SLC11A2: variants seen among roughly 807,000 people sequenced by gnomAD.
The protein encoded by SLC11A2 is solute carrier family 11 member 2.
Under a neutral mutation model 68.0 loss-of-function variants are expected in SLC11A2, and 38 were observed. The observed-to-expected ratio is 0.56, with a 90% CI of 0.43 to 0.73. The LOEUF (loss-of-function observed/expected upper bound fraction) is 0.73. Among genes scored for constraint, SLC11A2 ranks in the 30% least tolerant of loss-of-function variants. SLC11A2 has a pLI of 0.00. For missense variants in SLC11A2, 517 were observed against 690.5 expected, an observed-to-expected ratio of 0.75 and a Z score of 2.82; for synonymous variants, 242 against 250.6, an observed-to-expected ratio of 0.97 and a Z score of 0.32.
chr12:50,979,855 C>A (rs1476318683), downstream of SLC11A2: 1 of 453,990 alleles, frequency 2.2e-6, no homozygotes, highest in South Asian at 1.6e-5. Flanking sequence ...ATATTTAATG[C>A]TGAAAGGGGA....
intron 1 of SLC11A2, among the ~76,000 whole-genome samples, chr12:51,023,525 C>G (rs537287175): frequency 6.6e-6 from 1 of 152,284 alleles, no homozygotes; most frequent in Non-Finnish European, 1.5e-5. Flanking sequence ...ATATTCCGCT[C>G]ATTCAAATGC....
At chr12:51,020,319 G>A (rs1370735517) in intron 1 of SLC11A2, among the ~76,000 whole-genome samples, 1 of 151,528 alleles carries the variant, frequency 6.6e-6, no homozygotes, top group African/African-American at 2.4e-5. Flanking sequence ...TTACACTGGA[G>A]TAAGTTTATC....
At chr12:51,000,441 G>A (rs761555003) in intron 5 of SLC11A2, 22 bp from the exon 6 acceptor site, 2 of 1,546,256 alleles carry the variant, frequency 1.3e-6, no homozygotes, top group South Asian at 2.2e-5. Context: ...ACAGTAGAAA[G>A]ACACGGTTCT....
downstream of SLC11A2, among the ~76,000 whole-genome samples, chr12:50,982,764 C>T (rs530177649): frequency 6.6e-6 from 1 of 151,742 alleles, no homozygotes; most frequent in Non-Finnish European, 1.5e-5. Context: ...ACCAACATGG[C>T]GAAACCCCTC....
the SLC11A2 span, among the ~76,000 whole-genome samples, chr12:50,957,918 A>G: frequency 7.1e-6 from 1 of 140,952 alleles, no homozygotes; most frequent in Non-Finnish European, 1.5e-5. Context: ...TGGAGAGACT[A>G]CTGTATTCAT....
chr12:50,993,010 T>C, intron 11 of SLC11A2, 81 bp from the exon 12 acceptor site: 1 of 1,554,954 alleles, frequency 6.4e-7, no homozygotes, highest in Non-Finnish European at 8.8e-7. Context: ...CCCTGTGGCA[T>C]TTCTCCCTTC....
chr12:51,010,339 G>A (rs2516742), intron 2 of SLC11A2, among the ~76,000 whole-genome samples: 112,819 of 152,012 alleles, frequency 0.74, 42,201 homozygotes, highest in East Asian at 0.87. Context: ...CCAACATGGC[G>A]AAACCCTGTC....
In SLC11A2 at chr12:51,004,887, C is replaced by A. The variant is rs763257645; in HGVS notation, c.330G>T (p.Leu110Phe). The change falls in exon 5 of 16, where the codon TTG (leucine) becomes TTT (phenylalanine). Residue 110 changes from leucine to phenylalanine, a missense_variant. Leu to Phe is a conservative substitution (Grantham distance 22). Transcript: ENST00000262052. The stretch of plus-strand genomic sequence containing the variant: ...GGAGCAGCAGCCCCACAAGGGTGGC[C>A]AACAGAAGGATCCAGAGCAACTAAG... Reference protein sequence around the residue: ...AGFKLLWILLLATLVGLLLQR... With the variant: ...AGFKLLWILLFATLVGLLLQR... 1.2e-6 allele frequency: 2 copies of A among 1,614,092 alleles called. No homozygotes were observed. Among genetic ancestry groups the A allele is most frequent in the Non-Finnish European group, 1.7e-6 (2 of 1,179,998 alleles).
chr12:51,023,239 G>C (rs1196859973), intron 1 of SLC11A2, among the ~76,000 whole-genome samples: 1 of 152,180 alleles, frequency 6.6e-6, no homozygotes, highest in Non-Finnish European at 1.5e-5. Flanking sequence ...TTGAACCTAG[G>C]AGTTCAAGAC....
At position 51,004,838 on chromosome 12, in the gene SLC11A2, C is replaced by T. The variant is rs747663559; in HGVS notation, c.379G>A (p.Val127Met). Residue 127 changes from valine (V) to methionine (M), a missense_variant, in exon 5 of 16, where the codon GTG becomes ATG. Coordinates refer to ENST00000262052, the MANE Select transcript of SLC11A2 (RefSeq NM_000617.3). ...LLQRLAARLG[V>M]VTGLHLAEVC... ...TCAGCAAGATGCAGCCCAGTAACCA[C>T]TCCCAGTCTAGCTGCAAGCCGCTGG... The T allele has an allele frequency of 6.2e-7, 1 of 1,614,122 alleles. No homozygotes were observed. Among genetic ancestry groups the T allele is most frequent in the Non-Finnish European group, 8.5e-7 (1 of 1,179,972 alleles).
downstream of SLC11A2, among the ~76,000 whole-genome samples, chr12:50,984,979 A>T (rs572618245): frequency 8.5e-5 from 13 of 152,330 alleles, 1 homozygote; most frequent in Admixed American, 2.0e-4. Context: ...TCAAATGCCA[A>T]CTGCACATTT....
rs1351202995 is a variant in SLC11A2, at chr12:51,004,771, G to A, written c.429+17C>T. On this transcript the variant is annotated intron_variant, in intron 5 of 15. Coordinates refer to ENST00000262052, the MANE Select transcript of SLC11A2 (RefSeq NM_000617.3). The stretch of plus-strand genomic sequence containing the variant: ...TATGGCATGGGTGAGAGACAAACAG[G>A]ACAATACATTGCTCACCTTGGGATA... 2.5e-6 allele frequency: 4 copies of A among 1,613,198 alleles called. No homozygotes were observed. The highest frequency in any genetic ancestry group is 2.7e-5 in the African/African-American group (2 of 74,886).
At chr12:50,961,175 TAGAAG>T in the SLC11A2 span, 2 of 1,450,184 alleles carry the variant, frequency 1.4e-6, no homozygotes, top group Non-Finnish European at 1.9e-6. Flanking sequence ...TCATTCATAG[TAGAAG>T]ATGAATGTTG....
the SLC11A2 span, among the ~76,000 whole-genome samples, chr12:50,966,497 A>G: frequency 6.6e-6 from 1 of 152,202 alleles, no homozygotes; most frequent in East Asian, 1.9e-4. Flanking sequence ...AGATGCCAGT[A>G]GAACTCCTTC....
At chr12:51,028,368 G>A, upstream of SLC11A2, 2 of 566,698 alleles carry the variant, frequency 3.5e-6, no homozygotes, top group Non-Finnish European at 6.3e-6. Flanking sequence ...AATTTCAAGA[G>A]GCAAACCACG....
chr12:50,993,215 G>A (rs920682340), intron 11 of SLC11A2: 34 of 360,880 alleles, frequency 9.4e-5, no homozygotes, highest in Non-Finnish European at 1.6e-4. Flanking sequence ...AAAAAAAAGA[G>A]GTCTACACCA....
chr12:51,005,047 C>G lies in SLC11A2; in HGVS notation c.310-140G>C. 4 of 1,096,498 alleles carry G rather than the reference C, an allele frequency of 3.6e-6. No homozygotes were observed. In the South Asian group the frequency reaches 5.4e-5, roughly 15 times the overall value. 67.9% of individuals were successfully genotyped at this position (1,096,498 alleles called of 1,614,324 possible). On this transcript the variant is annotated intron_variant, in intron 4 of 15. Transcript: ENST00000262052. ...GGTCAAGAATCAAATGACTTGAGTT[C>G]TATAACAGATTTTGCACATGACCTG...
upstream of SLC11A2, among the ~76,000 whole-genome samples, chr12:51,027,522 GC>G (rs112451612): frequency 2.6e-5 from 4 of 151,528 alleles, no homozygotes; most frequent in African/African-American, 9.7e-5. Context: ...TTTCCTCCTC[GC>G]CCAGCTGACT....
Position 50,999,408 on chromosome 12 carries a change from G to A in SLC11A2, c.544C>T (p.Leu182=), listed in dbSNP as rs1308774200. The A allele has an allele frequency of 3.1e-6, 5 of 1,612,894 alleles. No individual in the cohort carries two copies. In the South Asian group the frequency reaches 5.5e-5, roughly 18 times the overall value. Residue 182 remains leucine (L), a synonymous_variant, in exon 7 of 16, where the codon CTG becomes TTG. Transcript: ENST00000262052. ...ATGGTGATGAGAACGCCACCCCACA[G>A]AGGAATTCTAGGTCAGAGATGAGAT... ...INLLSVGRIP[L]WGGVLITIAD...
Sources: allele counts gnomAD v4.1 joint callset (sites outside exome capture counted in the v4.1 genomes callset), GRCh38; gene constraint gnomAD v4.1.1; transcripts MANE v1.5; gene names NCBI Gene and HGNC (gene_info 2026-07-23, HGNC 2026-07-21).